MTSS1: variants seen among roughly 807,000 people sequenced by gnomAD.
MTSS1 encodes the protein MTSS I-BAR domain containing 1.
Under a neutral mutation model 79.0 loss-of-function variants are expected in MTSS1, and 18 were observed. The observed-to-expected ratio is 0.23, with a 90% confidence interval of 0.16 to 0.34. MTSS1 has a LOEUF of 0.34. Among genes scored for constraint, MTSS1 ranks in the 10% least tolerant of loss-of-function variants. The pLI is 1.00. For synonymous variants in MTSS1, 341 were observed against 368.6 expected (o/e 0.93, Z 0.86); for missense variants, 815 against 986.2 (o/e 0.83, Z 2.33).
rs1169819576 is a variant in MTSS1 at position 124,692,361 on chromosome 8, A to G, written c.208+7165T>C. ...ATGTGCCCCCATAACATGTGGATGC[A>G]TCAATCTTTTTAAAAAGAAAAAAAA... On this transcript the variant is annotated intron_variant, in intron 3 of 13. Coordinates refer to ENST00000518547, the MANE Select transcript of MTSS1 (RefSeq NM_014751.6). Among the ~76,000 whole-genome samples the G allele has an allele frequency of 5.5e-5, 8 of 146,158 alleles. No individual in the cohort carries two copies. The East Asian group carries it at 1.7e-3, about 32-fold the overall frequency.
intron 3 of MTSS1, among the ~76,000 whole-genome samples, chr8:124,656,807 G>T (rs1019285851): frequency 6.9e-6 from 1 of 144,122 alleles, no homozygotes; most frequent in African/African-American, 2.5e-5. Flanking sequence ...AAAGAAAAAA[G>T]AAAAAAAGGA....
intron 5 of MTSS1, among the ~76,000 whole-genome samples, chr8:124,588,010 CA>C (rs1207502773): frequency 6.6e-6 from 1 of 152,092 alleles, no homozygotes; most frequent in Non-Finnish European, 1.5e-5. Flanking sequence ...GGACGTGCAC[CA>C]AAAACCAAGA....
At chr8:124,586,070 G>A (rs912798129) in intron 5 of MTSS1, among the ~76,000 whole-genome samples, 4 of 152,122 alleles carry the variant, frequency 2.6e-5, no homozygotes, top group African/African-American at 7.2e-5. Context: ...TGGCCCATTC[G>A]CAGACTGCCC....
chr8:124,586,178 T>C (rs1054431433), intron 5 of MTSS1, among the ~76,000 whole-genome samples: 3 of 152,186 alleles, frequency 2.0e-5, no homozygotes, highest in African/African-American at 7.2e-5. Flanking sequence ...AGTCAATTAA[T>C]TGCCAGCTGC....
chr8:124,697,113 T>C (rs984700646), intron 3 of MTSS1, among the ~76,000 whole-genome samples: 5 of 152,182 alleles, frequency 3.3e-5, no homozygotes, highest in Non-Finnish European at 7.3e-5. Flanking sequence ...CAGGAACTTA[T>C]GGACAATCTG....
chr8:124,631,020 C>A (rs1815822095), intron 3 of MTSS1, among the ~76,000 whole-genome samples: 1 of 152,198 alleles, frequency 6.6e-6, no homozygotes, highest in African/African-American at 2.4e-5. Flanking sequence ...ACCAACTACA[C>A]CTGGAGCCAG....
intron 3 of MTSS1, among the ~76,000 whole-genome samples, chr8:124,658,937 C>G (rs1216018116): frequency 1.3e-5 from 2 of 152,212 alleles, no homozygotes; most frequent in East Asian, 3.8e-4. Context: ...GTTGTTTGCA[C>G]CATCCAGGCT....
intron 13 of MTSS1, among the ~76,000 whole-genome samples, chr8:124,555,399 C>T (rs1333192781): frequency 5.9e-5 from 9 of 152,174 alleles, no homozygotes; most frequent in Admixed American, 2.0e-4. Flanking sequence ...GCGCCTGCCA[C>T]CACGCCCGGC....
chr8:124,581,840 G>A (rs1007721598), intron 6 of MTSS1, among the ~76,000 whole-genome samples: 1 of 152,206 alleles, frequency 6.6e-6, no homozygotes, highest in African/African-American at 2.4e-5. Context: ...GGTGGCACAC[G>A]TAGGTAAATA....
chr8:124,641,057 G>A (rs1373583276), intron 3 of MTSS1, among the ~76,000 whole-genome samples: 1 of 151,004 alleles, frequency 6.6e-6, no homozygotes, highest in African/African-American at 2.4e-5. Flanking sequence ...AAGTACATGT[G>A]GCAAAAAAAA....
intron 6 of MTSS1, among the ~76,000 whole-genome samples, chr8:124,573,543 T>G (rs1828310747): frequency 6.6e-6 from 1 of 152,258 alleles, no homozygotes; most frequent in South Asian, 2.1e-4. Context: ...GTCAGCACAC[T>G]TGCCTGGAAG....
At chr8:124,568,014 G>C (rs2132083836) in intron 7 of MTSS1, 1 of 1,222,632 alleles carries the variant, frequency 8.2e-7, no homozygotes, top group Non-Finnish European at 1.1e-6. Context: ...TTAAAACACA[G>C]ACGACTGGGT....
At chr8:124,583,779 C>T (rs1034547794) in intron 6 of MTSS1, among the ~76,000 whole-genome samples, 1 of 152,182 alleles carries the variant, frequency 6.6e-6, no homozygotes, top group South Asian at 2.1e-4. Context: ...CGAACTGTGA[C>T]CAGCCTGCTC....
At chr8:124,688,146 G>A (rs939160261) in intron 3 of MTSS1, among the ~76,000 whole-genome samples, 3 of 152,204 alleles carry the variant, frequency 2.0e-5, no homozygotes, top group Non-Finnish European at 4.4e-5. Context: ...ATCAAAAAAC[G>A]TGTATTTGTG....
intron 3 of MTSS1, among the ~76,000 whole-genome samples, chr8:124,676,093 T>C (rs752228183): frequency 3.9e-5 from 6 of 152,154 alleles, no homozygotes; most frequent in Non-Finnish European, 5.9e-5. Flanking sequence ...CCCACTTTTA[T>C]AATAAGAAAA....
chr8:124,682,919 AC>A (rs1826360717), intron 3 of MTSS1, among the ~76,000 whole-genome samples: 1 of 152,244 alleles, frequency 6.6e-6, no homozygotes, highest in African/African-American at 2.4e-5. Flanking sequence ...CTTGAAGAAA[AC>A]AAAAATGGCT....
At chr8:124,649,174 C>T (rs558773143) in intron 3 of MTSS1, among the ~76,000 whole-genome samples, 1 of 152,376 alleles carries the variant, frequency 6.6e-6, no homozygotes, top group South Asian at 2.1e-4. Context: ...TGAAAGACAG[C>T]CAGGGCCATC....
chr8:124,681,225 A>G (rs1004835311), intron 3 of MTSS1, among the ~76,000 whole-genome samples: 1 of 151,052 alleles, frequency 6.6e-6, no homozygotes, highest in African/African-American at 2.5e-5. Context: ...AAAAAAAAGC[A>G]AATGATGAAC....
At chr8:124,648,714 C>CCCCCG in intron 3 of MTSS1, among the ~76,000 whole-genome samples, 1 of 151,978 alleles carries the variant, frequency 6.6e-6, no homozygotes, top group African/African-American at 2.4e-5. Context: ...TAGCAGCCCC[C>CCCCCG]CCCCAGATAC....
Sources: allele counts gnomAD v4.1 joint callset (sites outside exome capture counted in the v4.1 genomes callset), GRCh38; gene constraint gnomAD v4.1.1; transcripts MANE v1.5; gene names NCBI Gene and HGNC (gene_info 2026-07-23, HGNC 2026-07-21).